The following NTNG2 variants were observed in gnomAD, a reference collection of about 807,000 sequenced individuals.
NTNG2 encodes the protein netrin G2, also known as netrin-G2.
NTNG2 carries 15 observed loss-of-function variants against 47.6 expected under a neutral mutation model. The ratio of observed to expected loss-of-function variants is 0.32; its 90% CI spans 0.21 to 0.49. The LOEUF is 0.49. Ranked by LOEUF, NTNG2 falls within the 20% of genes least tolerant of loss-of-function variation. NTNG2 has a pLI of 0.99. For missense variants in NTNG2, 578 were observed against 764.6 expected, an observed-to-expected ratio of 0.76 and a Z score of 2.88; for synonymous variants, 307 against 324.6, an observed-to-expected ratio of 0.95 and a Z score of 0.58.
chr9:132,231,743 G>A lies in NTNG2; in HGVS notation c.1054+1148G>A, dbSNP rs1038850804. ...CCCCTACTACTCCTGTCCCCTCCAC[G>A]TCCACTGCCTGGGCCCCCATGGCGC... On this transcript the variant is annotated intron_variant, in intron 5 of 7. Transcript: ENST00000393229. The surrounding 1 kb of genome is among the most constrained non-coding windows in gnomAD (Gnocchi z 4.1). 14 of 177,682 alleles carry A rather than the reference G, an allele frequency of 7.9e-5. No homozygotes were observed. Among genetic ancestry groups the A allele is most frequent in the African/African-American group, 2.6e-4 (11 of 41,552 alleles). The allele number at this position is 177,682 out of a possible 1,614,324, so 11.0% of individuals were successfully genotyped here. A position where few individuals can be genotyped will look rare whatever the true frequency, so the allele number is the denominator to read the frequency against.
intron 2 of NTNG2, among the ~76,000 whole-genome samples, chr9:132,175,352 A>AGAGGGGCAGGAGGGAAATT (rs1200337245): frequency 3.3e-5 from 5 of 152,184 alleles, no homozygotes; most frequent in African/African-American, 1.2e-4. Flanking sequence ...TGAAGGAGCA[A>AGAGGGGCAGGAGGGAAATT]GAGGGGCAGG....
intron 2 of NTNG2, among the ~76,000 whole-genome samples, chr9:132,168,728 G>A (rs751259104): frequency 1.3e-5 from 2 of 152,164 alleles, no homozygotes; most frequent in Non-Finnish European, 2.9e-5. Flanking sequence ...AAAGCCGGTG[G>A]GAGGGTTCTC....
intron 5 of NTNG2, chr9:132,233,223 C>G (rs895838774): frequency 6.6e-6 from 1 of 152,262 alleles, no homozygotes; most frequent in Non-Finnish European, 1.5e-5. Flanking sequence ...GTGCCTGTCT[C>G]CAAACAGGGG....
At position 132,198,341 on chromosome 9, in the gene NTNG2, G is replaced by A. The variant is rs1838476153; in HGVS notation, c.589G>A (p.Glu197Lys). 3 of 1,612,758 alleles carry A rather than the reference G, an allele frequency of 1.9e-6. No homozygotes were observed. The highest frequency in any genetic ancestry group is 1.7e-6 in the Non-Finnish European group (2 of 1,179,930). ...SSSAHRVLCT[E>K]EYSRWAGSKK... ...CAGCGCGCACCGCGTGCTCTGCACC[G>A]AGGAGTACTCGCGCTGGGCAGGCTC... The change falls in exon 3 of 8, where the codon GAG (glutamate) becomes AAG (lysine). Residue 197 changes from glutamate to lysine, a missense_variant. Glu to Lys is a moderately conservative substitution (Grantham distance 56, BLOSUM62 1). Coordinates refer to ENST00000393229, the MANE Select transcript of NTNG2 (RefSeq NM_032536.4).
chr9:132,215,298 G>A lies in NTNG2; in HGVS notation c.858-11551G>A, dbSNP rs1404177227. ...GGAAATGACTCCAAGAGGCCAGTGG[G>A]GGCCAGGCATGGTGGCTTATACCTG... On this transcript the variant is annotated intron_variant, in intron 3 of 7. Transcript: ENST00000393229. This position sits in a 1 kb window ranked among gnomAD's most constrained non-coding sequence, Gnocchi z 4.2. Among the ~76,000 whole-genome samples the A allele has an allele frequency of 1.3e-5, 2 of 152,172 alleles. No individual in the cohort carries two copies. The highest frequency in any genetic ancestry group is 2.4e-5 in the African/African-American group (1 of 41,438).
At chr9:132,234,482 T>C (rs1999391) in intron 5 of NTNG2, among the ~76,000 whole-genome samples, 84,134 of 152,004 alleles carry the variant, frequency 0.55, 23,456 homozygotes, top group Middle Eastern at 0.57. Flanking sequence ...GCCAGGACTC[T>C]CTCCCTCCCC....
chr9:132,207,959 C>A (rs1428563835), intron 3 of NTNG2, among the ~76,000 whole-genome samples: 3 of 152,084 alleles, frequency 2.0e-5, no homozygotes, highest in Non-Finnish European at 4.4e-5. Flanking sequence ...CAAAAATTAG[C>A]CAGGCATGGT....
chr9:132,222,253 C>T (rs537403622), intron 3 of NTNG2, among the ~76,000 whole-genome samples: 1 of 152,282 alleles, frequency 6.6e-6, no homozygotes, highest in Non-Finnish European at 1.5e-5. Flanking sequence ...AAGGTTTAAG[C>T]ACAGAAACTT....
At chr9:132,207,796 G>A (rs754795430) in intron 3 of NTNG2, among the ~76,000 whole-genome samples, 3 of 152,200 alleles carry the variant, frequency 2.0e-5, no homozygotes, top group Non-Finnish European at 2.9e-5. Flanking sequence ...GCCCACAGGT[G>A]CACGGTGAGA....
chr9:132,212,021 A>G (rs1839627286), intron 3 of NTNG2, among the ~76,000 whole-genome samples: 1 of 152,222 alleles, frequency 6.6e-6, no homozygotes, highest in Non-Finnish European at 1.5e-5. Context: ...CAGAGAAGAA[A>G]GAGACTGGAA....
rs372352613 is a variant in NTNG2 at position 132,208,304 on chromosome 9, T to G, written c.857+9695T>G. 6.6e-6 allele frequency among the ~76,000 whole-genome samples: 1 copy of G among 151,268 alleles called. No homozygotes were observed. The highest frequency in any genetic ancestry group is 2.4e-5 in the African/African-American group (1 of 41,076). On this transcript the variant is annotated intron_variant, in intron 3 of 7. Transcript: ENST00000393229. This position sits in a 1 kb window ranked among gnomAD's most constrained non-coding sequence, Gnocchi z 4.0. ...CTCAGTGTGATGTGGCTGTGGTGGG[T>G]GAGTAAGATTCCAAAGAAGAGCAGG... is the stretch of plus-strand genomic sequence containing the variant.
At position 132,230,492 on chromosome 9, in the gene NTNG2, C is replaced by T. The variant is rs1235807028; in HGVS notation, c.1031-80C>T. On this transcript the variant is annotated intron_variant, in intron 4 of 7. Coordinates refer to ENST00000393229, the MANE Select transcript of NTNG2 (RefSeq NM_032536.4). ...CGACACCTCCAGGTGCTCCCCTGCC[C>T]TGCTGGCCCCTCTGCAGGGAGGTGA... 2.9e-6 allele frequency: 4 copies of T among 1,389,656 alleles called. No individual in the cohort carries two copies. The African/African-American group carries it at 4.3e-5, about 15-fold the overall frequency. The allele number at this position is 1,389,656 out of a possible 1,614,324, so 86.1% of individuals were successfully genotyped here.
chr9:132,234,153 C>G (rs537494272), intron 5 of NTNG2, among the ~76,000 whole-genome samples: 1 of 151,990 alleles, frequency 6.6e-6, no homozygotes, highest in Non-Finnish European at 1.5e-5. Context: ...CTCAGCCTCC[C>G]GAGTAGCTGG....
chr9:132,219,773 G>A (rs1460536888), intron 3 of NTNG2, among the ~76,000 whole-genome samples: 1 of 152,084 alleles, frequency 6.6e-6, no homozygotes, highest in African/African-American at 2.4e-5. Context: ...ATATTGGGTT[G>A]TTCCCACCTT....
chr9:132,211,365 C>A, intron 3 of NTNG2, among the ~76,000 whole-genome samples: 1 of 152,164 alleles, frequency 6.6e-6, no homozygotes, highest in East Asian at 1.9e-4. Flanking sequence ...TGACTGGCCT[C>A]CCTCCCTCCC....
intron 3 of NTNG2, among the ~76,000 whole-genome samples, chr9:132,202,361 AG>A (rs1838830679): frequency 6.6e-6 from 1 of 151,962 alleles, no homozygotes; most frequent in East Asian, 1.9e-4. Flanking sequence ...ACAAATGGTG[AG>A]GGGGACAAGA....
intron 3 of NTNG2, among the ~76,000 whole-genome samples, chr9:132,223,062 C>T (rs899339681): frequency 2.6e-5 from 4 of 152,120 alleles, no homozygotes; most frequent in Admixed American, 1.3e-4. Context: ...TGCAGTGAGC[C>T]GAGATTGTGC....
rs1255157904 is a variant in NTNG2, at chr9:132,163,290, G to T, written c.-484+1051G>T. 6.6e-6 allele frequency among the ~76,000 whole-genome samples: 1 copy of T among 151,868 alleles called. No homozygotes were observed. Among genetic ancestry groups the T allele is most frequent in the African/African-American group, 2.4e-5 (1 of 41,374 alleles). On this transcript the variant is annotated intron_variant, in intron 1 of 7. Transcript: ENST00000393229. This position sits in a 1 kb window ranked among gnomAD's most constrained non-coding sequence, Gnocchi z 7.2. ...CGACCCTGGCCCCGGCCTCGACCCC[G>T]CCCGCGGCCCGCCGGGACCCACCCG...
rs1201938571 is a variant in NTNG2 at position 132,197,947 on chromosome 9, TCTC to T, written c.214-15_214-13del. On this transcript the variant is annotated splice_polypyrimidine_tract_variant and intron_variant, in intron 2 of 7. Transcript: ENST00000393229. This position sits in a 1 kb window ranked among gnomAD's most constrained non-coding sequence, Gnocchi z 4.3. Reference sequence around the variant, plus strand: ...GAGCATCCAGCACCCACCCTTCCCTTCTCCTCTCCCCGCTGCAGGAGAATCCCT... The same window carrying T: ...GAGCATCCAGCACCCACCCTTCCCTTCTCTCCCCGCTGCAGGAGAATCCCT... The T allele has an allele frequency of 3.1e-6, 5 of 1,596,618 alleles. No individual in the cohort carries two copies. The highest frequency in any genetic ancestry group is 1.7e-5 in the Admixed American group (1 of 59,274).
Sources: gnomAD v4.1 joint callset for allele counts (sites outside exome capture counted in the v4.1 genomes callset) on GRCh38, gnomAD v4.1.1 for gene constraint, Gnocchi (gnomAD v3.1) non-coding constraint, MANE v1.5 for transcripts, NCBI Gene and HGNC (gene_info 2026-07-23, HGNC 2026-07-21) for gene names.